The following RAPH1 variants were observed in gnomAD, a reference collection of about 807,000 sequenced individuals.
RAPH1 encodes ras-associated and pleckstrin homology domains-containing protein 1.
RAPH1 carries 18 observed loss-of-function variants against 88.1 expected under a neutral mutation model. The ratio of observed to expected loss-of-function variants is 0.20; its 90% confidence interval spans 0.14 to 0.30. The LOEUF (loss-of-function observed/expected upper bound fraction) is 0.30. RAPH1 is among the 10% of genes least tolerant of loss of function. The pLI, the probability that RAPH1 is intolerant of heterozygous loss-of-function variation, is 1.00. For synonymous variants in RAPH1, 587 were observed against 559.0 expected (o/e 1.05, Z -0.71); for missense variants, 1,448 against 1,543.2 (o/e 0.94, Z 1.03).
At chr2:203,508,892 A>G (rs937274685) in intron 1 of RAPH1, among the ~76,000 whole-genome samples, 5 of 152,000 alleles carry the variant, frequency 3.3e-5, no homozygotes, top group African/African-American at 1.2e-4. Context: ...ATAATTGTGT[A>G]TTTCTCCAAT....
At chr2:203,457,354 T>C (rs796541189) in intron 8 of RAPH1, among the ~76,000 whole-genome samples, 176 bp downstream of exon 8, 10 of 151,990 alleles carry the variant, frequency 6.6e-5, no homozygotes, top group African/African-American at 2.4e-4. Flanking sequence ...GCCTGGCTAA[T>C]TTTTTTATTT....
At position 203,437,986 on chromosome 2, in the gene RAPH1, T is replaced by C. The variant is rs375531959; in HGVS notation, c.*1451A>G. 10 of 349,038 alleles carry C rather than the reference T, an allele frequency of 2.9e-5. No homozygotes were observed. The highest frequency in any genetic ancestry group is 7.7e-5 in the East Asian group (1 of 12,970). The allele number at this position is 349,038 out of a possible 1,614,324, so 21.6% of individuals were successfully genotyped here. ...TATCATAAGTTGATGAGAGTACTTA[T>C]TTCTCTCATGTACCAAGGAAAATTC... On this transcript the variant is annotated 3_prime_UTR_variant, in exon 14 of 14. Coordinates refer to ENST00000319170, the MANE Select transcript of RAPH1 (RefSeq NM_213589.3).
intron 1 of RAPH1, among the ~76,000 whole-genome samples, chr2:203,496,395 T>A (rs180832594): frequency 6.6e-5 from 10 of 152,188 alleles, no homozygotes; most frequent in African/African-American, 1.9e-4. Context: ...ATATCTGACA[T>A]GGAACTTGCA....
At position 203,437,155 on chromosome 2, in the gene RAPH1, A is replaced by C. The variant is rs566845168; in HGVS notation, c.*2282T>G. The C allele has an allele frequency of 1.2e-4, 18 of 152,334 alleles. No individual in the cohort carries two copies. Among genetic ancestry groups the C allele is most frequent in the African/African-American group, 4.3e-4 (18 of 41,576 alleles). The allele number at this position is 152,334 out of a possible 1,614,324, so 9.4% of individuals were successfully genotyped here. A position where few individuals can be genotyped will look rare whatever the true frequency, so the allele number is the denominator to read the frequency against. ...ATCATCAGGATTGATACAAGCAAGAAATTCCAAGAAATCCTGCACTGAAAA... is the reference window on the plus strand; with the variant it reads ...ATCATCAGGATTGATACAAGCAAGACATTCCAAGAAATCCTGCACTGAAAA... On this transcript the variant is annotated 3_prime_UTR_variant, in exon 14 of 14. Transcript: ENST00000319170.
intron 4 of RAPH1, among the ~76,000 whole-genome samples, chr2:203,467,459 C>T (rs1050156260): frequency 5.3e-5 from 8 of 151,460 alleles, no homozygotes; most frequent in Non-Finnish European, 8.8e-5. Flanking sequence ...ATTAGCTGGG[C>T]GTGGTGGCAC....
chr2:203,457,570 G>C lies in RAPH1; in HGVS notation c.1118C>G (p.Thr373Arg). ...TTTGTTTCTATCTGCCATCTCAGCTGTTTCTTTTTTCCCCAAAAGATAATT... is the reference window on the plus strand; with the variant it reads ...TTTGTTTCTATCTGCCATCTCAGCTCTTTCTTTTTTCCCCAAAAGATAATT... ...PQNYLLGKKETAEMADRNKEV... is the reference protein window; with the variant it reads ...PQNYLLGKKERAEMADRNKEV... Residue 373 changes from threonine to arginine, a missense_variant, in exon 8 of 14, where the codon ACA becomes AGA. Transcript: ENST00000319170. The C allele has an allele frequency of 6.2e-7, 1 of 1,612,432 alleles. No homozygotes were observed. The highest frequency in any genetic ancestry group is 8.5e-7 in the Non-Finnish European group (1 of 1,178,520).
rs1479630500 is a variant in RAPH1, at chr2:203,448,107, TCTAAA to T, written c.1513-33_1513-29del. On this transcript the variant is annotated intron_variant, in intron 11 of 13. Coordinates refer to ENST00000319170, the MANE Select transcript of RAPH1 (RefSeq NM_213589.3). The surrounding 1 kb of genome is among the most constrained non-coding windows in gnomAD (Gnocchi z 4.1). ...AAAGAGAAGACAGGAAATGGTGACATCTAAACTTTACTGAGTATGATACAGAAGGA... is the reference window on the plus strand; with the variant it reads ...AAAGAGAAGACAGGAAATGGTGACATCTTTACTGAGTATGATACAGAAGGA... 1 of 1,610,524 alleles carries T rather than the reference TCTAAA, an allele frequency of 6.2e-7. No homozygotes were observed. Among genetic ancestry groups the T allele is most frequent in the Non-Finnish European group, 8.5e-7 (1 of 1,177,740 alleles).
intron 8 of RAPH1, among the ~76,000 whole-genome samples, chr2:203,456,803 AATT>A (rs903123042): frequency 2.6e-5 from 4 of 152,222 alleles, no homozygotes; most frequent in African/African-American, 9.6e-5. Context: ...CCAAAAATTC[AATT>A]ATATTTTTCC....
intron 1 of RAPH1, among the ~76,000 whole-genome samples, chr2:203,504,601 T>C (rs2443800): frequency 0.61 from 92,596 of 151,830 alleles, 28,803 homozygotes; most frequent in Middle Eastern, 0.77. Flanking sequence ...ACATTTTCCC[T>C]GGTCTTGGGG....
intron 1 of RAPH1, among the ~76,000 whole-genome samples, chr2:203,534,504 G>GCCCCCCCCCCCCC (rs1690525336): frequency 2.2e-4 from 2 of 9,080 alleles, no homozygotes; most frequent in Non-Finnish European, 5.9e-4. Flanking sequence ...CCCTCCCTCC[G>GCCCCCCCCCCCCC]TCCACCCCCC....
intron 1 of RAPH1, among the ~76,000 whole-genome samples, chr2:203,516,317 G>C (rs1419426796): frequency 6.6e-6 from 1 of 152,004 alleles, no homozygotes; most frequent in Non-Finnish European, 1.5e-5. Flanking sequence ...TCAATTAAAA[G>C]GCAGAAAAAG....
At position 203,457,586 on chromosome 2, in the gene RAPH1, A is replaced by G; in HGVS notation, c.1102T>C (p.Leu368=). 6.2e-7 allele frequency: 1 copy of G among 1,610,564 alleles called. No individual in the cohort carries two copies. Among genetic ancestry groups the G allele is most frequent in the Non-Finnish European group, 8.5e-7 (1 of 1,176,804 alleles). ...ALFKNPQNYL[L]GKKETAEMAD... The stretch of plus-strand genomic sequence containing the variant: ...ATCTCAGCTGTTTCTTTTTTCCCCA[A>G]AAGATAATTCTGGAAAAACAAACAT... The change falls in exon 8 of 14, where the codon TTG becomes CTG. Residue 368 remains leucine, a synonymous_variant. Coordinates refer to ENST00000319170, the MANE Select transcript of RAPH1 (RefSeq NM_213589.3).
intron 4 of RAPH1, among the ~76,000 whole-genome samples, chr2:203,478,184 C>T (rs1030620696): frequency 6.6e-6 from 1 of 151,924 alleles, no homozygotes; most frequent in African/African-American, 2.4e-5. Flanking sequence ...CAGGCGCCTG[C>T]CACCAAGCCC....
intron 4 of RAPH1, among the ~76,000 whole-genome samples, chr2:203,475,494 C>T (rs1687377909): frequency 6.6e-6 from 1 of 152,182 alleles, no homozygotes; most frequent in Non-Finnish European, 1.5e-5. Flanking sequence ...ACTACCATCT[C>T]ATCCCACATT....
chr2:203,479,921 C>T (rs1336846792), intron 4 of RAPH1, among the ~76,000 whole-genome samples: 2 of 152,100 alleles, frequency 1.3e-5, no homozygotes, highest in African/African-American at 4.8e-5. Flanking sequence ...CTCTTTATCA[C>T]TACGTTCATA....
intron 4 of RAPH1, among the ~76,000 whole-genome samples, chr2:203,464,443 G>C (rs888012607): frequency 6.6e-6 from 1 of 152,142 alleles, no homozygotes; most frequent in Admixed American, 6.5e-5. Flanking sequence ...GGCTAATTTT[G>C]TATTTTTAGA....
intron 1 of RAPH1, among the ~76,000 whole-genome samples, chr2:203,528,998 TATA>T (rs1690253972): frequency 1.5e-4 from 14 of 90,432 alleles, no homozygotes; most frequent in East Asian, 5.6e-4. Context: ...TATATATATA[TATA>T]TATATTTTTT....
chr2:203,479,105 T>G (rs1349491629), intron 4 of RAPH1, among the ~76,000 whole-genome samples: 1 of 152,168 alleles, frequency 6.6e-6, no homozygotes, highest in East Asian at 1.9e-4. Context: ...AAAATAAATA[T>G]AGACACAGAA....
At chr2:203,515,154 C>G (rs1347083456) in intron 1 of RAPH1, among the ~76,000 whole-genome samples, 1 of 151,862 alleles carries the variant, frequency 6.6e-6, no homozygotes, top group East Asian at 1.9e-4. Flanking sequence ...CATTCACAGT[C>G]TCAGATAATA....
Sources: gnomAD v4.1 joint callset for allele counts (sites outside exome capture counted in the v4.1 genomes callset) on GRCh38, gnomAD v4.1.1 for gene constraint, Gnocchi (gnomAD v3.1) non-coding constraint, MANE v1.5 for transcripts, NCBI Gene and HGNC (gene_info 2026-07-23, HGNC 2026-07-21) for gene names.